The following MCTP1 variants were observed in gnomAD, a reference collection of about 807,000 sequenced individuals.
MCTP1 encodes the protein multiple C2 and transmembrane domain-containing protein 1.
Under a neutral mutation model 120.6 loss-of-function variants are expected in MCTP1, and 69 were observed. The ratio of observed to expected loss-of-function variants is 0.57; its 90% confidence interval spans 0.47 to 0.70. The LOEUF is 0.70. MCTP1 is among the 30% of genes least tolerant of loss of function. MCTP1 has a pLI of 0.00. For synonymous variants in MCTP1, 529 were observed against 493.1 expected, an observed-to-expected ratio of 1.07 and a Z score of -0.96; for missense variants, 1,203 against 1,248.8, an observed-to-expected ratio of 0.96 and a Z score of 0.55.
At chr5:94,759,766 G>T (rs902943015) in intron 19 of MCTP1, among the ~76,000 whole-genome samples, 2 of 151,982 alleles carry the variant, frequency 1.3e-5, no homozygotes, top group Non-Finnish European at 2.9e-5. Context: ...AACTATCAAT[G>T]AAAGTTATTT....
intron 5 of MCTP1, among the ~76,000 whole-genome samples, chr5:94,933,907 G>T (rs1258355339): frequency 6.6e-6 from 1 of 151,768 alleles, no homozygotes; most frequent in East Asian, 1.9e-4. Flanking sequence ...TTATTTTTCA[G>T]ATTGAGAAAC....
intron 3 of MCTP1, among the ~76,000 whole-genome samples, chr5:94,951,441 C>A (rs577568739): frequency 3.9e-5 from 6 of 152,120 alleles, no homozygotes; most frequent in Non-Finnish European, 8.8e-5. Flanking sequence ...GGAGTAATAT[C>A]CCACTAAGTA....
chr5:95,237,833 G>T (rs1755721931), intron 1 of MCTP1, among the ~76,000 whole-genome samples: 1 of 152,050 alleles, frequency 6.6e-6, no homozygotes, highest in African/African-American at 2.4e-5. Context: ...TTGGCAAGCT[G>T]CAAGTAGCCT....
At chr5:94,956,976 A>C (rs543035936) in intron 2 of MCTP1, among the ~76,000 whole-genome samples, 1 of 152,336 alleles carries the variant, frequency 6.6e-6, no homozygotes, top group East Asian at 1.9e-4. Context: ...AGATTCACCA[A>C]GGTTGAAATG....
intron 1 of MCTP1, among the ~76,000 whole-genome samples, chr5:95,211,461 T>C (rs575228112): frequency 2.6e-5 from 4 of 152,206 alleles, no homozygotes; most frequent in Admixed American, 1.3e-4. Context: ...TTCCAGTTGA[T>C]CACATCGGCT....
At chr5:94,869,850 A>G in intron 16 of MCTP1, among the ~76,000 whole-genome samples, 1 of 152,114 alleles carries the variant, frequency 6.6e-6, no homozygotes, top group Non-Finnish European at 1.5e-5. Flanking sequence ...TAGAAAAATC[A>G]TATTTCCTGA....
At chr5:95,123,804 T>C (rs1391559275) in intron 1 of MCTP1, among the ~76,000 whole-genome samples, 1 of 152,038 alleles carries the variant, frequency 6.6e-6, no homozygotes, top group African/African-American at 2.4e-5. Flanking sequence ...CGCCCGCCAC[T>C]GCGCCCGGCT....
At chr5:94,855,564 G>A (rs947273064) in intron 17 of MCTP1, among the ~76,000 whole-genome samples, 1 of 151,720 alleles carries the variant, frequency 6.6e-6, no homozygotes, top group African/African-American at 2.4e-5. Context: ...GAATTACCGA[G>A]GTAGGCTCAA....
chr5:94,805,768 T>G (rs1256823360), intron 17 of MCTP1, among the ~76,000 whole-genome samples: 1 of 150,336 alleles, frequency 6.7e-6, no homozygotes, highest in African/African-American at 2.5e-5. Context: ...AGGAGGAAAC[T>G]GAGGCTTAGG....
chr5:94,932,945 C>T (rs1299046806), intron 5 of MCTP1, among the ~76,000 whole-genome samples: 3 of 151,812 alleles, frequency 2.0e-5, no homozygotes, highest in Admixed American at 6.6e-5. Context: ...TAGAATAACA[C>T]AAAAATGAAA....
intron 1 of MCTP1, among the ~76,000 whole-genome samples, chr5:95,172,863 G>T (rs1747500367): frequency 6.6e-6 from 1 of 152,046 alleles, no homozygotes; most frequent in Admixed American, 6.5e-5. Flanking sequence ...GAATGCAAAG[G>T]GCTCTGAGAG....
At chr5:94,854,990 G>T (rs1794463810) in intron 17 of MCTP1, among the ~76,000 whole-genome samples, 1 of 151,772 alleles carries the variant, frequency 6.6e-6, no homozygotes, top group African/African-American at 2.4e-5. Context: ...ACTTTCAGGA[G>T]ATGGGTGTTT....
At chr5:94,953,804 CAT>C (rs1407387155) in intron 2 of MCTP1, among the ~76,000 whole-genome samples, 3 of 114,140 alleles carry the variant, frequency 2.6e-5, no homozygotes, top group South Asian at 2.8e-4. Context: ...CATATATATA[CAT>C]ATATATATAC....
intron 17 of MCTP1, among the ~76,000 whole-genome samples, chr5:94,832,246 A>AT (rs11423739): frequency 1 from 152,311 of 152,312 alleles, 76,155 homozygotes; most frequent in Non-Finnish European, 1. Flanking sequence ...TGCATAAGCC[A>AT]TTGTTCTAAA....
intron 19 of MCTP1, among the ~76,000 whole-genome samples, chr5:94,715,591 G>C (rs960296122): frequency 6.6e-6 from 1 of 152,136 alleles, no homozygotes; most frequent in African/African-American, 2.4e-5. Flanking sequence ...CAAAGCTGGT[G>C]TGCTCCAGGT....
At chr5:95,129,399 C>T (rs1296048987) in intron 1 of MCTP1, among the ~76,000 whole-genome samples, 4 of 152,332 alleles carry the variant, frequency 2.6e-5, no homozygotes, top group Non-Finnish European at 4.4e-5. Flanking sequence ...AGAGTAGTTA[C>T]CTAACCTGCC....
At chr5:94,721,922 C>A (rs1041228778) in intron 19 of MCTP1, among the ~76,000 whole-genome samples, 2 of 150,056 alleles carry the variant, frequency 1.3e-5, no homozygotes, top group Non-Finnish European at 3.0e-5. Flanking sequence ...CAGCTATAAC[C>A]ATGAATCTGA....
intron 1 of MCTP1, among the ~76,000 whole-genome samples, chr5:95,190,847 C>T (rs1165683171): frequency 1.3e-5 from 2 of 151,880 alleles, no homozygotes; most frequent in Non-Finnish European, 2.9e-5. Context: ...TAACTTTTAA[C>T]AACATGAACA....
At chr5:95,260,746 A>G (rs1758404075) in intron 1 of MCTP1, among the ~76,000 whole-genome samples, 1 of 152,154 alleles carries the variant, frequency 6.6e-6, no homozygotes. Context: ...CTACCCTTAA[A>G]GGTGCTGTGT....
Sources: allele counts gnomAD v4.1 joint callset (sites outside exome capture counted in the v4.1 genomes callset), GRCh38; gene constraint gnomAD v4.1.1; transcripts MANE v1.5; gene names NCBI Gene and HGNC (gene_info 2026-07-23, HGNC 2026-07-21).